MECOM: variants seen among roughly 807,000 people sequenced by gnomAD.
MECOM encodes histone-lysine N-methyltransferase MECOM.
MECOM carries 13 observed loss-of-function variants against 116.3 expected under a neutral mutation model. The observed-to-expected ratio is 0.11, with a 90% CI of 0.07 to 0.18. The LOEUF (loss-of-function observed/expected upper bound fraction) is 0.18, where lower values mean the gene tolerates loss of function less well. Ranked by LOEUF, MECOM falls within the 10% of genes least tolerant of loss-of-function variation. The pLI is 1.00. For missense variants in MECOM, 1,299 were observed against 1,509.0 expected (o/e 0.86, Z 2.31); for synonymous variants, 528 against 535.2 (o/e 0.99, Z 0.19).
At chr3:169,545,248 A>G (rs1454023106) in intron 1 of MECOM, among the ~76,000 whole-genome samples, 1 of 152,098 alleles carries the variant, frequency 6.6e-6, no homozygotes, top group Non-Finnish European at 1.5e-5. Context: ...TTGAACATCT[A>G]TTACATAATA....
chr3:169,215,536 A>G (rs1410832966), intron 2 of MECOM, among the ~76,000 whole-genome samples: 1 of 152,192 alleles, frequency 6.6e-6, no homozygotes, highest in African/African-American at 2.4e-5. Context: ...GAGCCGGCTC[A>G]GCTTTCCTTT....
rs76795906 is a variant in MECOM at position 169,271,949 on chromosome 3, A to G, written c.375+109238T>C. ...ATTTTTCTGTGCTTAAGCTCATACC[A>G]ATGAAAACTACCCTATAGGCATAAA... On this transcript the variant is annotated intron_variant, in intron 2 of 16. Transcript: ENST00000651503. Among the ~76,000 whole-genome samples, 219 of 152,214 alleles carry G rather than the reference A, an allele frequency of 1.4e-3. 4 individuals carry two copies. The East Asian group carries it at 0.03, about 21-fold the overall frequency.
intron 1 of MECOM, among the ~76,000 whole-genome samples, chr3:169,472,239 A>T (rs139519809): frequency 6.6e-6 from 1 of 151,348 alleles, no homozygotes; most frequent in East Asian, 1.9e-4. Flanking sequence ...CCCATTCAAG[A>T]GGTTAGTTCA....
chr3:169,518,027 A>C (rs148952525), intron 1 of MECOM, among the ~76,000 whole-genome samples: 4,002 of 152,272 alleles, frequency 0.026, 170 homozygotes, highest in African/African-American at 0.093. Context: ...TGGGAGGCCA[A>C]GGCGGGCTGA....
Position 169,630,452 on chromosome 3 carries a change from T to TAA in MECOM, c.37+32882_37+32883dup, listed in dbSNP as rs71166258. On this transcript the variant is annotated intron_variant, in intron 1 of 16. Transcript: ENST00000651503. ...GAAATTCTGCCCCCAAATTTATTCT[T>TAA]AAAAAAAAAAAAAAAAAAAGACAGA... Among the ~76,000 whole-genome samples, 143 of 131,296 alleles carry TAA rather than the reference T, an allele frequency of 1.1e-3. 4 individuals carry two copies. The highest frequency in any genetic ancestry group is 2.4e-3 in the East Asian group (11 of 4,528). 86.1% of individuals were successfully genotyped at this position (131,296 alleles called of 152,430 possible). A position where few individuals can be genotyped will look rare whatever the true frequency, so the allele number is the denominator to read the frequency against.
intron 1 of MECOM, among the ~76,000 whole-genome samples, chr3:169,407,039 G>A (rs1362886233): frequency 6.6e-6 from 1 of 151,840 alleles, no homozygotes; most frequent in South Asian, 2.1e-4. Flanking sequence ...AGTGGAGACA[G>A]GGTTTCACCA....
chr3:169,486,266 T>C (rs2108891253), intron 1 of MECOM, among the ~76,000 whole-genome samples: 1 of 151,872 alleles, frequency 6.6e-6, no homozygotes, highest in South Asian at 2.1e-4. Flanking sequence ...TAGTAGAAGT[T>C]TACTAAGTAA....
chr3:169,455,883 T>C (rs893288829), intron 1 of MECOM, among the ~76,000 whole-genome samples: 11 of 152,214 alleles, frequency 7.2e-5, no homozygotes, highest in African/African-American at 2.2e-4. Context: ...GTGGCTGCTG[T>C]TTGTGAATGT....
At chr3:169,554,047 G>A (rs1006288114) in intron 1 of MECOM, among the ~76,000 whole-genome samples, 2 of 152,176 alleles carry the variant, frequency 1.3e-5, no homozygotes, top group African/African-American at 2.4e-5. Flanking sequence ...CTTGCATTTA[G>A]GTGGAAAGCA....
At chr3:169,484,879 G>A (rs113361424) in intron 1 of MECOM, among the ~76,000 whole-genome samples, 1 of 1,258 alleles carries the variant, frequency 7.9e-4, no homozygotes, top group African/African-American at 0.013. Context: ...AGCAAGCACC[G>A]AGACTGATTA....
At chr3:169,428,124 G>A (rs752664213) in intron 1 of MECOM, among the ~76,000 whole-genome samples, 10 of 152,144 alleles carry the variant, frequency 6.6e-5, no homozygotes, top group Admixed American at 1.3e-4. Flanking sequence ...AAGTTGCTGT[G>A]AGCCAACATC....
At chr3:169,435,815 A>T (rs16853739) in intron 1 of MECOM, among the ~76,000 whole-genome samples, 17,569 of 152,226 alleles carry the variant, frequency 0.12, 1,293 homozygotes, top group East Asian at 0.29. Flanking sequence ...ATAACCACAT[A>T]AATCAGTATA....
intron 2 of MECOM, among the ~76,000 whole-genome samples, chr3:169,252,157 C>T (rs1756320903): frequency 6.6e-6 from 1 of 152,078 alleles, no homozygotes; most frequent in Non-Finnish European, 1.5e-5. Context: ...TTTTAAAACT[C>T]TGTCTATTAA....
intron 1 of MECOM, among the ~76,000 whole-genome samples, chr3:169,645,913 T>G (rs1220624377): frequency 6.6e-6 from 1 of 152,138 alleles, no homozygotes; most frequent in Non-Finnish European, 1.5e-5. Context: ...CTGATTTAAT[T>G]GGATTGGGGT....
At chr3:169,332,867 C>T (rs1417936518) in intron 2 of MECOM, among the ~76,000 whole-genome samples, 2 of 151,926 alleles carry the variant, frequency 1.3e-5, no homozygotes, top group Non-Finnish European at 2.9e-5. Flanking sequence ...ACTGGCAAAA[C>T]AAATTAACCA....
At chr3:169,603,763 G>A (rs1205352119) in intron 1 of MECOM, among the ~76,000 whole-genome samples, 1 of 152,164 alleles carries the variant, frequency 6.6e-6, no homozygotes, top group Non-Finnish European at 1.5e-5. Context: ...GCTAAATTAA[G>A]GTTTGGGTAA....
chr3:169,535,194 C>T (rs733508), intron 1 of MECOM, among the ~76,000 whole-genome samples: 47,506 of 151,920 alleles, frequency 0.31, 7,621 homozygotes, highest in Non-Finnish European at 0.33. Flanking sequence ...CCACTTGATG[C>T]GAAAGCCTAG....
At chr3:169,337,037 A>G (rs913449423) in intron 2 of MECOM, among the ~76,000 whole-genome samples, 2 of 152,170 alleles carry the variant, frequency 1.3e-5, no homozygotes, top group African/African-American at 2.4e-5. Context: ...TGTAAATTTT[A>G]ATGAAATAGG....
intron 1 of MECOM, among the ~76,000 whole-genome samples, chr3:169,469,181 G>A (rs1244227932): frequency 1.3e-5 from 2 of 152,116 alleles, no homozygotes; most frequent in East Asian, 1.9e-4. Flanking sequence ...AGGAGGAGAT[G>A]GTGACTGAGC....
Sources: allele counts gnomAD v4.1 joint callset (sites outside exome capture counted in the v4.1 genomes callset), GRCh38; gene constraint gnomAD v4.1.1; transcripts MANE v1.5; gene names NCBI Gene and HGNC (gene_info 2026-07-23, HGNC 2026-07-21).